The following CSMD1 variants were observed in gnomAD, a reference collection of about 807,000 sequenced individuals.
CSMD1 encodes CUB and sushi domain-containing protein 1.
In CSMD1, 213 loss-of-function variants were observed where a neutral mutation model predicts 417.5. That is an observed-to-expected ratio of 0.51 (90% CI 0.46 to 0.57). The LOEUF (loss-of-function observed/expected upper bound fraction) is 0.57, where lower values mean the gene tolerates loss of function less well. Among genes scored for constraint, CSMD1 ranks in the 20% least tolerant of loss-of-function variants. The pLI, the probability that CSMD1 is intolerant of heterozygous loss-of-function variation, is 0.00. For synonymous variants in CSMD1, 2,862 were observed against 1,736.8 expected (o/e 1.65, Z -16.11); for missense variants, 6,923 against 4,529.7 (o/e 1.53, Z -15.17).
chr8:3,656,385 T>G (rs946972738), intron 7 of CSMD1, among the ~76,000 whole-genome samples: 2 of 150,808 alleles, frequency 1.3e-5, no homozygotes, highest in East Asian at 4.0e-4. Flanking sequence ...ACACCTGCTT[T>G]CTCTTTTTTT....
intron 5 of CSMD1, among the ~76,000 whole-genome samples, chr8:3,913,630 G>A (rs1376959605): frequency 1.3e-5 from 2 of 152,136 alleles, no homozygotes; most frequent in Admixed American, 6.6e-5. Flanking sequence ...GGGAAGTGGT[G>A]GAGTCATCCA....
At chr8:4,643,020 A>G (rs1803298841) in intron 1 of CSMD1, among the ~76,000 whole-genome samples, 1 of 152,190 alleles carries the variant, frequency 6.6e-6, no homozygotes, top group Non-Finnish European at 1.5e-5. Flanking sequence ...AGACTTGGGA[A>G]TGTATAATTG....
intron 1 of CSMD1, among the ~76,000 whole-genome samples, chr8:4,710,009 A>G (rs1224878052): frequency 2.6e-5 from 4 of 152,232 alleles, no homozygotes; most frequent in Admixed American, 2.0e-4. Flanking sequence ...AAATAAAAAT[A>G]TCACTTGATA....
chr8:3,507,752 C>G (rs184890091), intron 10 of CSMD1, among the ~76,000 whole-genome samples: 2 of 152,112 alleles, frequency 1.3e-5, no homozygotes, highest in South Asian at 4.1e-4. Flanking sequence ...TCTCTGATGG[C>G]CAGTGATGAT....
chr8:3,138,646 G>C (rs929328128), intron 41 of CSMD1, among the ~76,000 whole-genome samples: 1 of 152,204 alleles, frequency 6.6e-6, no homozygotes, highest in African/African-American at 2.4e-5. Flanking sequence ...TAACCAAAGA[G>C]TGGGAGTGGA....
rs754691568 is a variant in CSMD1 at position 3,075,885 on chromosome 8, C to CAAA, written c.7474+11209_7474+11211dup. 8.6e-3 allele frequency among the ~76,000 whole-genome samples: 915 copies of CAAA among 106,936 alleles called. 6 individuals are homozygous for CAAA. Among genetic ancestry groups the CAAA allele is most frequent in the African/African-American group, 0.03 (879 of 29,402 alleles). The allele number at this position is 106,936 out of a possible 152,430, so 70.2% of individuals were successfully genotyped here. A position where few individuals can be genotyped will look rare whatever the true frequency, so the allele number is the denominator to read the frequency against. The stretch of plus-strand genomic sequence containing the variant: ...GGAAACACTGTCTCTACTAAAAATA[C>CAAA]AAAAAAAAAAAAAAAATTAGCCGGG... On this transcript the variant is annotated intron_variant, in intron 49 of 69. Transcript: ENST00000635120.
chr8:4,376,854 C>G (rs1484067702), intron 3 of CSMD1, among the ~76,000 whole-genome samples: 1 of 152,190 alleles, frequency 6.6e-6, no homozygotes, highest in Admixed American at 6.5e-5. Flanking sequence ...GTAAGTGCTT[C>G]TCTGTTATGC....
intron 1 of CSMD1, among the ~76,000 whole-genome samples, chr8:4,731,602 A>C (rs1299669698): frequency 6.6e-6 from 1 of 152,324 alleles, no homozygotes; most frequent in East Asian, 1.9e-4. Flanking sequence ...ATAAAACTGA[A>C]TAAAAATCAA....
At chr8:3,241,439 T>G (rs1799512502) in intron 26 of CSMD1, among the ~76,000 whole-genome samples, 1 of 152,156 alleles carries the variant, frequency 6.6e-6, no homozygotes, top group African/African-American at 2.4e-5. Context: ...GCATCTGTGT[T>G]GGTCTACAGG....
chr8:4,644,006 G>T (rs923627592), intron 1 of CSMD1, among the ~76,000 whole-genome samples: 2 of 152,120 alleles, frequency 1.3e-5, no homozygotes, highest in African/African-American at 4.8e-5. Flanking sequence ...AAACACTTAT[G>T]GGAGATTACT....
At chr8:3,974,369 G>C (rs542322072) in intron 5 of CSMD1, among the ~76,000 whole-genome samples, 61 of 151,924 alleles carry the variant, frequency 4.0e-4, no homozygotes, top group African/African-American at 1.5e-3. Context: ...CAAATATACA[G>C]CTTTTAAAAG....
At chr8:3,726,385 CTATAA>C (rs1446065826) in intron 6 of CSMD1, among the ~76,000 whole-genome samples, 1 of 152,114 alleles carries the variant, frequency 6.6e-6, no homozygotes, top group Non-Finnish European at 1.5e-5. Flanking sequence ...ATCTTTCAGG[CTATAA>C]TATAAGTCTC....
intron 4 of CSMD1, among the ~76,000 whole-genome samples, chr8:4,018,384 C>T (rs1563323908): frequency 1.3e-5 from 2 of 152,172 alleles, no homozygotes; most frequent in African/African-American, 4.8e-5. Context: ...ATCTTTCTCT[C>T]TTGGCAACTT....
At chr8:4,207,595 T>C (rs1281219226) in intron 3 of CSMD1, among the ~76,000 whole-genome samples, 2 of 152,174 alleles carry the variant, frequency 1.3e-5, no homozygotes, top group Admixed American at 6.5e-5. Context: ...TTAGGTTTAA[T>C]ATTCAATTCA....
intron 1 of CSMD1, among the ~76,000 whole-genome samples, chr8:4,796,085 A>C (rs1439086619): frequency 6.6e-6 from 1 of 151,976 alleles, no homozygotes; most frequent in African/African-American, 2.4e-5. Context: ...AAGACAAGTA[A>C]ATGTTCTTAT....
chr8:3,292,885 A>C (rs1471727574), intron 25 of CSMD1, among the ~76,000 whole-genome samples: 1 of 150,032 alleles, frequency 6.7e-6, no homozygotes, highest in African/African-American at 2.5e-5. Context: ...TTAGCTGGTT[A>C]TTTTGCTCGT....
intron 4 of CSMD1, among the ~76,000 whole-genome samples, chr8:4,022,988 G>A (rs905128954): frequency 6.6e-6 from 1 of 152,226 alleles, no homozygotes; most frequent in Non-Finnish European, 1.5e-5. Context: ...GTATGGCAAA[G>A]ATGGGACAGT....
chr8:3,777,687 C>T (rs754174866), intron 5 of CSMD1, among the ~76,000 whole-genome samples: 10 of 152,336 alleles, frequency 6.6e-5, no homozygotes, highest in East Asian at 3.9e-4. Flanking sequence ...TCAGGACCCA[C>T]GCCAGACCTG....
Position 3,515,731 on chromosome 8 carries a change from T to C in CSMD1, c.1345-22005A>G, listed in dbSNP as rs73658146. Among the ~76,000 whole-genome samples, 824 of 152,324 alleles carry C rather than the reference T, an allele frequency of 5.4e-3. 9 individuals carry two copies. Among genetic ancestry groups the C allele is most frequent in the African/African-American group, 0.019 (799 of 41,572 alleles). On this transcript the variant is annotated intron_variant, in intron 10 of 69. Transcript: ENST00000635120. ...AAGAATGTTATTCAGCATTCATTAA[T>C]TCAGGTGTATGCCTTCCCCATTGAC...
Sources: allele counts gnomAD v4.1 joint callset (sites outside exome capture counted in the v4.1 genomes callset), GRCh38; gene constraint gnomAD v4.1.1; transcripts MANE v1.5; gene names NCBI Gene and HGNC (gene_info 2026-07-23, HGNC 2026-07-21).